OR51B5: variants seen among roughly 807,000 people sequenced by gnomAD.
OR51B5 encodes olfactory receptor 51B5.
For synonymous variants in OR51B5, 186 were observed against 144.8 expected (o/e 1.28, Z -2.04); for missense variants, 456 against 374.6 (o/e 1.22, Z -1.79).
chr11:5,390,054 T>A, intron 1 of OR51B5: 1 of 1,613,732 alleles, frequency 6.2e-7, no homozygotes, highest in Non-Finnish European at 8.5e-7. Context: ...GTTTTCACTG[T>A]GATGCTGGAC....
chr11:5,393,580 A>C lies in OR51B5; in HGVS notation n.85-46670T>G, dbSNP rs577290112. ...CATTTTACAATGACTATAAAAAGTT[A>C]TATACGATTATGCTGAAGATGACAA... On this transcript the variant is annotated intron_variant and non_coding_transcript_variant, in intron 1 of 4. Transcript: ENST00000415970. Among the ~76,000 whole-genome samples the C allele has an allele frequency of 2.6e-5, 4 of 152,330 alleles. No homozygotes were observed. In the East Asian group the frequency reaches 5.8e-4, roughly 22 times the overall value.
chr11:5,370,405 A>G (rs142046850), intron 1 of OR51B5, among the ~76,000 whole-genome samples: 397 of 152,312 alleles, frequency 2.6e-3, no homozygotes, highest in African/African-American at 9.0e-3. Context: ...GGTCAGAGCA[A>G]TTTACAGGGA....
At chr11:5,476,111 A>G (rs1403281713) in intron 1 of OR51B5, among the ~76,000 whole-genome samples, 1 of 152,224 alleles carries the variant, frequency 6.6e-6, no homozygotes, top group Non-Finnish European at 1.5e-5. Flanking sequence ...CTTTAGCTCT[A>G]TAGGCTGTGT....
At chr11:5,419,034 A>T (rs1376237502) in intron 1 of OR51B5, among the ~76,000 whole-genome samples, 1 of 152,134 alleles carries the variant, frequency 6.6e-6, no homozygotes, top group African/African-American at 2.4e-5. Context: ...TATGAATTCT[A>T]TATCCTAGTA....
chr11:5,463,504 C>T (rs1851090076), intron 1 of OR51B5, among the ~76,000 whole-genome samples: 1 of 152,214 alleles, frequency 6.6e-6, no homozygotes. Context: ...GTTTCTCAAC[C>T]TTCATTCTTC....
chr11:5,340,887 A>AC (rs1848882579), downstream of OR51B5: 1 of 152,218 alleles, frequency 6.6e-6, no homozygotes, highest in African/African-American at 2.4e-5. Context: ...GTAGAGCATA[A>AC]TTAAGGGACA....
chr11:5,413,703 T>G (rs1393078263), intron 1 of OR51B5, among the ~76,000 whole-genome samples: 1 of 151,896 alleles, frequency 6.6e-6, no homozygotes, highest in African/African-American at 2.4e-5. Flanking sequence ...ATGAAATGAA[T>G]GAAATGAAGC....
intron 1 of OR51B5, among the ~76,000 whole-genome samples, chr11:5,471,993 C>T (rs1851236738): frequency 6.6e-6 from 1 of 152,168 alleles, no homozygotes; most frequent in African/African-American, 2.4e-5. Flanking sequence ...ACTGTCTTCC[C>T]ACATTCAGTT....
chr11:5,440,927 A>C, intron 1 of OR51B5: 1 of 1,613,864 alleles, frequency 6.2e-7, no homozygotes, highest in East Asian at 2.2e-5. Context: ...AAATGTTGTT[A>C]ACATGGATGT....
chr11:5,439,601 G>GT (rs1850644894), intron 1 of OR51B5, among the ~76,000 whole-genome samples: 1 of 152,116 alleles, frequency 6.6e-6, no homozygotes. Flanking sequence ...ACTCCTGATA[G>GT]TTTTTTGTTC....
chr11:5,390,170 T>C, intron 1 of OR51B5: 1 of 1,613,872 alleles, frequency 6.2e-7, no homozygotes. Context: ...CGCTCCTCTC[T>C]GTGCTGTGCT....
chr11:5,503,434 T>G (rs1237576298), intron 1 of OR51B5, among the ~76,000 whole-genome samples: 4 of 152,106 alleles, frequency 2.6e-5, no homozygotes, highest in Non-Finnish European at 5.9e-5. Flanking sequence ...TACAAAGAAA[T>G]AAAGTTTAAA....
At chr11:5,414,633 C>A (rs1049061985) in intron 1 of OR51B5, among the ~76,000 whole-genome samples, 1 of 151,866 alleles carries the variant, frequency 6.6e-6, no homozygotes, top group Admixed American at 6.6e-5. Flanking sequence ...GGTTGCAATC[C>A]TAGTCTCTGA....
chr11:5,453,802 A>C, intron 1 of OR51B5: 1 of 1,614,032 alleles, frequency 6.2e-7, no homozygotes, highest in South Asian at 1.1e-5. Flanking sequence ...TTTCTTATTC[A>C]CTTCTTCTCC....
intron 1 of OR51B5, among the ~76,000 whole-genome samples, chr11:5,463,566 C>T (rs1404682920): frequency 6.6e-6 from 1 of 152,146 alleles, no homozygotes; most frequent in Admixed American, 6.5e-5. Context: ...TTTTAAAACA[C>T]TGAAGATATT....
intron 1 of OR51B5, among the ~76,000 whole-genome samples, chr11:5,398,395 TTACTC>T (rs1031357048): frequency 2.0e-5 from 3 of 152,110 alleles, no homozygotes; most frequent in Non-Finnish European, 4.4e-5. Flanking sequence ...TTTCTCCCCA[TTACTC>T]TACTCCTAGA....
chr11:5,358,601 C>T (rs965127556), intron 1 of OR51B5, among the ~76,000 whole-genome samples: 16 of 152,048 alleles, frequency 1.1e-4, no homozygotes, highest in South Asian at 2.1e-4. Flanking sequence ...TGAAACTATT[C>T]GAATCAATAG....
At chr11:5,478,662 T>C (rs1441693477) in intron 1 of OR51B5, among the ~76,000 whole-genome samples, 6 of 150,730 alleles carry the variant, frequency 4.0e-5, no homozygotes, top group Non-Finnish European at 8.9e-5. Context: ...AGAGAAGTGC[T>C]TAAAGGAGCT....
chr11:5,398,460 TAAG>T (rs1849916102), intron 1 of OR51B5, among the ~76,000 whole-genome samples: 1 of 152,070 alleles, frequency 6.6e-6, no homozygotes, highest in Non-Finnish European at 1.5e-5. Context: ...GCCCCAGGAC[TAAG>T]AAGATATGAA....
Sources: gnomAD v4.1 joint callset for allele counts (sites outside exome capture counted in the v4.1 genomes callset) on GRCh38, gnomAD v4.1.1 for gene constraint, MANE v1.5 for transcripts, NCBI Gene and HGNC (gene_info 2026-07-23, HGNC 2026-07-21) for gene names.